BCOR: variants seen among roughly 807,000 people sequenced by gnomAD.
BCOR encodes the protein BCL6 corepressor, also known as BCL-6 corepressor.
Under a neutral mutation model 86.7 loss-of-function variants are expected in BCOR, and 10 were observed. That is an observed-to-expected ratio of 0.12 (90% confidence interval 0.07 to 0.20). The LOEUF (loss-of-function observed/expected upper bound fraction) is 0.20, where lower values mean the gene tolerates loss of function less well. BCOR is among the 10% of genes least tolerant of loss of function. BCOR has a pLI of 1.00. For synonymous variants in BCOR, 611 were observed against 609.0 expected, an observed-to-expected ratio of 1.00 and a Z score of -0.05; for missense variants, 1,259 against 1,452.1, an observed-to-expected ratio of 0.87 and a Z score of 2.16.
rs150387371 is a variant in BCOR, at chrX:40,072,355, T to C, written c.2991A>G (p.Ala997=). The C allele has an allele frequency of 1.3e-5, 16 of 1,206,679 alleles. No individual in the cohort carries two copies. The highest frequency in any genetic ancestry group is 5.3e-5 in the African/African-American group (3 of 57,092). The stretch of plus-strand genomic sequence containing the variant: ...TTCAGGTGGGGGGGCTCACCTGCAA[T>C]GCCCGTTGCTCCCGGCTGAGCTGAC... The part of the protein sequence containing the change: ...DSSQLSREQR[A]LQMEGLQEDS... The change falls in exon 4 of 15, where the codon GCA becomes GCG. Residue 997 remains alanine, a synonymous_variant. Transcript: ENST00000378444.
rs1249334408 is a variant in BCOR, at chrX:40,062,844, C to T, written c.4075G>A (p.Gly1359Arg). The T allele has an allele frequency of 8.3e-7, 1 of 1,211,624 alleles. No homozygotes were observed. The highest frequency in any genetic ancestry group is 1.1e-6 in the Non-Finnish European group (1 of 895,366). ...KYTDNSEKPS[G>R]KRLCKTKHLI... ...TGTTTGGTTTTGCACAGTCTCTTCC[C>T]GGATGGCTTCTCGCTGTTGTCGGTG... Residue 1359 changes from glycine to arginine, a missense_variant, in exon 9 of 15, where the codon GGG becomes AGG. By Grantham distance (125) the Gly-to-Arg change is moderately radical. Around this residue, in one of 7 missense-constraint regions of BCOR, gnomAD observed 305 missense variants for 286.1 expected, o/e 1.07. Transcript: ENST00000378444.
At chrX:40,076,425 G>A (rs1362215118) in intron 3 of BCOR, 29 bp downstream of exon 3, 48 of 1,039,503 alleles carry the variant, frequency 4.6e-5, no homozygotes, top group Non-Finnish European at 6.3e-5. Flanking sequence ...ATGCAGATAT[G>A]GCATCAACAG....
chrX:40,085,960 T>G (rs1936339071), intron 1 of BCOR, among the ~76,000 whole-genome samples: 1 of 111,998 alleles, frequency 8.9e-6, no homozygotes, highest in South Asian at 3.7e-4. Flanking sequence ...AGCCTGTTGC[T>G]GTGGGCATCT....
At chrX:40,133,739 C>T (rs924183890) in intron 1 of BCOR, among the ~76,000 whole-genome samples, 3 of 111,632 alleles carry the variant, frequency 2.7e-5, no homozygotes, top group Admixed American at 9.5e-5. Context: ...GGATTACAGG[C>T]GTGAGCCACC....
chrX:40,155,831 G>A (rs1179804402), intron 1 of BCOR, among the ~76,000 whole-genome samples: 2 of 112,919 alleles, frequency 1.8e-5, no homozygotes, highest in African/African-American at 3.2e-5. Flanking sequence ...CCCGCGTGAG[G>A]CTGACTCGCG....
chrX:40,098,285 C>T (rs1167430723), upstream of BCOR, among the ~76,000 whole-genome samples: 4 of 108,515 alleles, frequency 3.7e-5, no homozygotes, highest in African/African-American at 1.3e-4. Flanking sequence ...ACGTTTTGGC[C>T]TCTCTGGATC....
intron 6 of BCOR, among the ~76,000 whole-genome samples, chrX:40,066,343 C>T (rs1158228018): frequency 2.7e-5 from 3 of 111,606 alleles, no homozygotes; most frequent in Non-Finnish European, 3.8e-5. Flanking sequence ...GGCCTGGGGA[C>T]GCAAAGAGGG....
chrX:40,052,506 C>T (rs1286984952), intron 14 of BCOR, 106 bp from the exon 15 acceptor site: 1 of 614,252 alleles, frequency 1.6e-6, no homozygotes, highest in Non-Finnish European at 2.6e-6. Flanking sequence ...TATGTCCTTT[C>T]ATTCTGCTCC....
At chrX:40,086,251 T>A (rs1936352084) in intron 1 of BCOR, among the ~76,000 whole-genome samples, 1 of 112,333 alleles carries the variant, frequency 8.9e-6, no homozygotes, top group Admixed American at 9.4e-5. Context: ...CAGGGCCATT[T>A]CAGAGGGGAA....
At chrX:40,133,128 T>C (rs1937618908) in intron 1 of BCOR, among the ~76,000 whole-genome samples, 1 of 110,180 alleles carries the variant, frequency 9.1e-6, no homozygotes. Context: ...ATTTCTTTTT[T>C]TTCTTTTTTT....
In BCOR at chrX:40,072,673, G is replaced by A. The variant is rs1346912437; in HGVS notation, c.2673C>T (p.Asn891=). Residue 891 remains asparagine (N), a synonymous_variant, in exon 4 of 15, where the codon AAC becomes AAT. Transcript: ENST00000378444. ...DSVLAGTNKE[N]LGLPVSTPFL... is the part of the protein sequence containing the mutation. ...ATGGAGTCGAGACTGGCAACCCTAG[G>A]TTCTCTTTGTTGGTACCTGCCAGAA... 9.1e-6 allele frequency: 11 copies of A among 1,211,940 alleles called. No homozygotes were observed. The highest frequency in any genetic ancestry group is 3.5e-5 in the African/African-American group (2 of 57,818).
At chrX:40,067,430 G>A (rs1935257211) in intron 6 of BCOR, among the ~76,000 whole-genome samples, 1 of 111,458 alleles carries the variant, frequency 9.0e-6, no homozygotes, top group Non-Finnish European at 1.9e-5. Context: ...CTAGGATAAG[G>A]GGTGCGAAAC....
Position 40,162,702 on chromosome X carries a change from G to A in BCOR, c.-41+14305C>T, listed in dbSNP as rs781723091. ...AAAATGGGAAAATGATTAGATTTTG[G>A]ATTTAGGGAAGATGTGTCATGTTAA... On this transcript the variant is annotated intron_variant, in intron 1 of 14. Transcript: ENST00000342274. Among the ~76,000 whole-genome samples the A allele has an allele frequency of 2.6e-3, 290 of 111,893 alleles. 1 individual carries two copies. The highest frequency in any genetic ancestry group is 9.1e-3 in the African/African-American group (280 of 30,753).
At chrX:40,114,576 C>T (rs771808193) in intron 1 of BCOR, among the ~76,000 whole-genome samples, 1 of 111,744 alleles carries the variant, frequency 8.9e-6, no homozygotes, top group South Asian at 3.7e-4. Context: ...TCCTTGAGAC[C>T]CTAAGAAACC....
chrX:40,121,153 T>C (rs1314458898), intron 1 of BCOR, among the ~76,000 whole-genome samples: 1 of 111,622 alleles, frequency 9.0e-6, no homozygotes, highest in Non-Finnish European at 1.9e-5. Context: ...GGTGCTCCAG[T>C]GGCTTTCACT....
At chrX:40,135,526 A>G (rs1046639056) in intron 1 of BCOR, among the ~76,000 whole-genome samples, 3 of 110,781 alleles carry the variant, frequency 2.7e-5, no homozygotes, top group Non-Finnish European at 3.8e-5. Flanking sequence ...AGTACCTGGG[A>G]TTACAGGCGT....
intron 10 of BCOR, 47 bp from the exon 11 acceptor site, chrX:40,057,368 C>T: frequency 8.7e-7 from 1 of 1,155,748 alleles, no homozygotes; most frequent in Middle Eastern, 2.4e-4. Flanking sequence ...TGCACAATGA[C>T]CTTGTAAGGT....
At chrX:40,159,258 G>A (rs1602275195) in intron 1 of BCOR, among the ~76,000 whole-genome samples, 1 of 112,766 alleles carries the variant, frequency 8.9e-6, no homozygotes, top group Non-Finnish European at 1.9e-5. Context: ...CATTAGCTGG[G>A]TGGGACAGAC....
At chrX:40,109,197 CGCCCGGGAACCGGGAGG>C (rs1364923939) in intron 1 of BCOR, among the ~76,000 whole-genome samples, 4 of 112,159 alleles carry the variant, frequency 3.6e-5, no homozygotes. Flanking sequence ...CTCCCGGGTG[CGCCCGGGAACCGGGAGG>C]GCAGGCGTCG....
Sources: allele counts gnomAD v4.1 joint callset (sites outside exome capture counted in the v4.1 genomes callset), GRCh38; gene constraint gnomAD v4.1.1; regional missense constraint gnomAD v4.1.1; transcripts MANE v1.5; gene names NCBI Gene and HGNC (gene_info 2026-07-23, HGNC 2026-07-21).